Variants in ANO4 observed in about 807,000 individuals in gnomAD.
ANO4 encodes the protein anoctamin 4.
Under a neutral mutation model 141.9 loss-of-function variants are expected in ANO4, and 69 were observed. That is an observed-to-expected ratio of 0.49 (90% CI 0.40 to 0.59). ANO4 has a LOEUF of 0.59. Ranked by LOEUF, ANO4 falls within the 20% of genes least tolerant of loss-of-function variation. The pLI, the probability that ANO4 is intolerant of heterozygous loss-of-function variation, is 0.00. For synonymous variants in ANO4, 350 were observed against 394.3 expected (o/e 0.89, Z 1.33); for missense variants, 894 against 1,162.2 (o/e 0.77, Z 3.36).
chr12:100,941,990 T>TATTATTATTATC (rs1426329248), intron 4 of ANO4, among the ~76,000 whole-genome samples: 1 of 133,818 alleles, frequency 7.5e-6, no homozygotes, highest in East Asian at 2.2e-4. Context: ...TTATTATTAT[T>TATTATTATTATC]ATTATTTTGA....
intron 2 of ANO4, among the ~76,000 whole-genome samples, chr12:100,903,117 A>G (rs572798734): frequency 9.8e-4 from 150 of 152,326 alleles, no homozygotes; most frequent in Admixed American, 2.0e-3. Context: ...AGTAACCAAC[A>G]CAATCTGGTT....
chr12:101,086,080 CTGTGTGTGTGTGTGTGTGTG>C (rs56891905), intron 16 of ANO4, among the ~76,000 whole-genome samples: 4 of 131,806 alleles, frequency 3.0e-5, no homozygotes, highest in East Asian at 2.4e-4. Flanking sequence ...GTTAACTAGG[CTGTGTGTGTGTGTGTGTGTG>C]TGTGTGTGTG....
intron 3 of ANO4, among the ~76,000 whole-genome samples, chr12:100,928,366 G>A (rs1734436246): frequency 6.6e-6 from 1 of 152,092 alleles, no homozygotes; most frequent in African/African-American, 2.4e-5. Flanking sequence ...ACAGTCAGGG[G>A]TGTATAAGTG....
chr12:101,124,185 T>C (rs2051212266), intron 26 of ANO4, among the ~76,000 whole-genome samples: 1 of 152,204 alleles, frequency 6.6e-6, no homozygotes. Context: ...TGGTATCTCA[T>C]TGTGATTTTT....
chr12:100,770,712 G>A lies in ANO4; in HGVS notation c.358+30607G>A, dbSNP rs977138457. 2.6e-5 allele frequency among the ~76,000 whole-genome samples: 4 copies of A among 151,798 alleles called. No homozygotes were observed. The East Asian group carries it at 7.7e-4, about 29-fold the overall frequency. ...CCCTGTTTCTGGTAGAATTGATGAT[G>A]CAGATATCAAAAGGCCCTGGAGATC... On this transcript the variant is annotated intron_variant, in intron 3 of 29. Transcript: ENST00000644049.
chr12:100,722,294 C>G (rs922174760), intron 1 of ANO4, among the ~76,000 whole-genome samples: 5 of 152,194 alleles, frequency 3.3e-5, no homozygotes, highest in Non-Finnish European at 5.9e-5. Flanking sequence ...CAACTGGTTC[C>G]TCTGCTTCTA....
At chr12:100,853,628 A>G (rs990229571) in intron 1 of ANO4, among the ~76,000 whole-genome samples, 1 of 151,864 alleles carries the variant, frequency 6.6e-6, no homozygotes, top group East Asian at 1.9e-4. Context: ...GTTCTTCCCC[A>G]TTTTTTTCCT....
chr12:100,947,100 T>C (rs2042757454), intron 5 of ANO4, among the ~76,000 whole-genome samples: 1 of 152,184 alleles, frequency 6.6e-6, no homozygotes, highest in Admixed American at 6.5e-5. Context: ...CAAACAGTTC[T>C]TTCAATATGT....
chr12:100,940,454 G>T (rs2136170981), intron 4 of ANO4, among the ~76,000 whole-genome samples: 2 of 152,226 alleles, frequency 1.3e-5, no homozygotes, highest in South Asian at 4.1e-4. Flanking sequence ...AGCCATTTTT[G>T]AAGGCAGATG....
intron 1 of ANO4, among the ~76,000 whole-genome samples, chr12:100,832,171 G>A (rs2036667567): frequency 6.6e-6 from 1 of 152,030 alleles, no homozygotes; most frequent in African/African-American, 2.4e-5. Context: ...CTCTGTGTAA[G>A]CTTTGAAGAT....
chr12:100,820,000 C>G (rs1470421710), intron 1 of ANO4, among the ~76,000 whole-genome samples: 1 of 151,956 alleles, frequency 6.6e-6, no homozygotes, highest in African/African-American at 2.4e-5. Context: ...TGTAGAGTCT[C>G]TAAGTAAACT....
At chr12:100,723,927 G>A (rs2030980814) in intron 1 of ANO4, among the ~76,000 whole-genome samples, 1 of 152,064 alleles carries the variant, frequency 6.6e-6, no homozygotes, top group Non-Finnish European at 1.5e-5. Context: ...AGCTCCCAAG[G>A]AAGTTTCTAG....
intron 3 of ANO4, among the ~76,000 whole-genome samples, chr12:100,777,092 A>ATT (rs34753022): frequency 7.0e-5 from 9 of 128,644 alleles, no homozygotes; most frequent in Admixed American, 3.2e-4. Flanking sequence ...AGATATCCTG[A>ATT]TTTTTTTTTT....
intron 1 of ANO4, among the ~76,000 whole-genome samples, chr12:100,869,736 C>T (rs2038940910): frequency 6.6e-6 from 1 of 152,152 alleles, no homozygotes; most frequent in Non-Finnish European, 1.5e-5. Context: ...CTCAATTGTA[C>T]ATTCAGAGAT....
rs150699497 is a variant in ANO4, at chr12:100,933,484, G to A, written c.161-5831G>A. On this transcript the variant is annotated intron_variant, in intron 3 of 27. Coordinates refer to ENST00000392977, the MANE Select transcript of ANO4 (RefSeq NM_001286615.2). ...TTATGGCTGCATAGTATTCCGTGGTGTATATGTGCCACATTTTCTTAATCC... is the reference window on the plus strand; with the variant it reads ...TTATGGCTGCATAGTATTCCGTGGTATATATGTGCCACATTTTCTTAATCC... Among the ~76,000 whole-genome samples the A allele has an allele frequency of 1.7e-3, 263 of 152,280 alleles. 1 individual carries two copies. Among genetic ancestry groups the A allele is most frequent in the African/African-American group, 5.9e-3 (245 of 41,558 alleles).
At chr12:100,981,453 AG>A (rs1307541868) in intron 7 of ANO4, among the ~76,000 whole-genome samples, 15 of 151,730 alleles carry the variant, frequency 9.9e-5, no homozygotes, top group South Asian at 8.4e-4. Context: ...GAAGGAAGGA[AG>A]GAAGGAAGAA....
chr12:100,767,691 ATTGT>A (rs780739599), intron 3 of ANO4, among the ~76,000 whole-genome samples: 14 of 152,206 alleles, frequency 9.2e-5, no homozygotes, highest in Non-Finnish European at 1.6e-4. Flanking sequence ...AAACCTATGA[ATTGT>A]TTATTTCTGG....
chr12:101,051,363 A>G (rs2047862844), intron 14 of ANO4, among the ~76,000 whole-genome samples: 2 of 152,156 alleles, frequency 1.3e-5, no homozygotes, highest in Non-Finnish European at 2.9e-5. Flanking sequence ...CTTTGGGCAC[A>G]GAGGAACATT....
At chr12:100,726,517 A>T (rs1292246517) in intron 1 of ANO4, among the ~76,000 whole-genome samples, 1 of 152,206 alleles carries the variant, frequency 6.6e-6, no homozygotes. Flanking sequence ...TAAGCTGTAG[A>T]TCAGTGCTGC....
Sources: gnomAD v4.1 joint callset for allele counts (sites outside exome capture counted in the v4.1 genomes callset) on GRCh38, gnomAD v4.1.1 for gene constraint, MANE v1.5 for transcripts, NCBI Gene and HGNC (gene_info 2026-07-23, HGNC 2026-07-21) for gene names.